Variants in MBD5 observed in about 807,000 individuals in gnomAD.
The protein encoded by MBD5 is methyl-CpG-binding domain protein 5.
A neutral mutation model predicts 117.3 loss-of-function variants in MBD5; 13 were observed. The ratio of observed to expected loss-of-function variants is 0.11; its 90% CI spans 0.07 to 0.18. MBD5 has a LOEUF of 0.18. MBD5 is among the 10% of genes least tolerant of loss of function. MBD5 has a pLI of 1.00. For missense variants in MBD5, 1,879 were observed against 2,093.8 expected, an observed-to-expected ratio of 0.90 and a Z score of 2.00; for synonymous variants, 727 against 766.4, an observed-to-expected ratio of 0.95 and a Z score of 0.85.
At chr2:148,310,842 T>G (rs1401343602) in intron 3 of MBD5, among the ~76,000 whole-genome samples, 1 of 152,198 alleles carries the variant, frequency 6.6e-6, no homozygotes, top group African/African-American at 2.4e-5. Context: ...TCTGGTACAT[T>G]GTGTTTTTAT....
In MBD5 at chr2:148,326,062, C is replaced by G. The variant is rs562843893; in HGVS notation, c.-679-16152C>G. Among the ~76,000 whole-genome samples, 172 of 152,234 alleles carry G rather than the reference C, an allele frequency of 1.1e-3. 1 individual carries two copies. The highest frequency in any genetic ancestry group is 3.3e-3 in the East Asian group (17 of 5,178). ...CTTTGTTCTCATTGGTTTCAAAGAA[C>G]ATCTTTATTTCTGCCTTCATTTCGT... On this transcript the variant is annotated intron_variant, in intron 3 of 13. Transcript: ENST00000642680.
intron 1 of MBD5, among the ~76,000 whole-genome samples, chr2:148,056,471 TTATTA>T (rs1459053999): frequency 2.6e-5 from 4 of 152,100 alleles, no homozygotes; most frequent in Admixed American, 2.0e-4. Flanking sequence ...TGGATGCCTT[TTATTA>T]TATTTAGACA....
chr2:148,485,601 A>T lies in MBD5; in HGVS notation c.3545-141A>T. On this transcript the variant is annotated intron_variant, in intron 9 of 13. Transcript: ENST00000642680. ...TACTCTTTCCTTACCACTTAGTAAGACTTTGAGAAGTAAAAAAGAAAAGCA... is the reference window on the plus strand; with the variant it reads ...TACTCTTTCCTTACCACTTAGTAAGTCTTTGAGAAGTAAAAAAGAAAAGCA... 7.3e-6 allele frequency: 5 copies of T among 681,204 alleles called. 1 individual carries two copies. The South Asian group carries it at 8.7e-5, about 12-fold the overall frequency. 42.2% of individuals were successfully genotyped at this position (681,204 alleles called of 1,614,324 possible). A position where few individuals can be genotyped will look rare whatever the true frequency, so the allele number is the denominator to read the frequency against.
At chr2:148,123,358 TG>T (rs555113560) in intron 1 of MBD5, among the ~76,000 whole-genome samples, 20 of 152,326 alleles carry the variant, frequency 1.3e-4, no homozygotes, top group Non-Finnish European at 2.1e-4. Flanking sequence ...AATCCAAGTA[TG>T]GGACCTTGAA....
intron 1 of MBD5, among the ~76,000 whole-genome samples, chr2:148,119,376 G>A (rs1232654644): frequency 1.3e-5 from 2 of 151,894 alleles, no homozygotes; most frequent in Non-Finnish European, 2.9e-5. Context: ...TTATTACTGA[G>A]TTTTAAGTGT....
At chr2:148,182,194 A>G (rs1698548800) in intron 2 of MBD5, among the ~76,000 whole-genome samples, 1 of 152,178 alleles carries the variant, frequency 6.6e-6, no homozygotes, top group South Asian at 2.1e-4. Flanking sequence ...TTACCAGATT[A>G]AGAAAGGTTC....
At chr2:148,344,464 C>T (rs906848813) in intron 4 of MBD5, among the ~76,000 whole-genome samples, 4 of 151,828 alleles carry the variant, frequency 2.6e-5, no homozygotes, top group African/African-American at 9.7e-5. Context: ...AATGTTTTTT[C>T]ATTTGTTTGT....
chr2:148,118,912 C>T (rs6750021), intron 1 of MBD5, among the ~76,000 whole-genome samples: 2,384 of 152,244 alleles, frequency 0.016, 60 homozygotes, highest in East Asian at 0.091. Flanking sequence ...ATATATACCA[C>T]ATTTTGTTCA....
At chr2:148,077,319 A>G (rs906947783) in intron 1 of MBD5, among the ~76,000 whole-genome samples, 2 of 152,152 alleles carry the variant, frequency 1.3e-5, no homozygotes, top group Admixed American at 6.5e-5. Context: ...GTTACTGGGC[A>G]TTGTAGGCAT....
chr2:148,121,663 C>T (rs1301314945), intron 1 of MBD5, among the ~76,000 whole-genome samples: 1 of 152,044 alleles, frequency 6.6e-6, no homozygotes, highest in East Asian at 1.9e-4. Context: ...GCTTGAGAGA[C>T]ATCGTCCTGG....
chr2:148,509,765 G>A (rs569886660), intron 12 of MBD5, among the ~76,000 whole-genome samples: 12 of 152,348 alleles, frequency 7.9e-5, no homozygotes, highest in African/African-American at 2.9e-4. Flanking sequence ...GAGGGAACCC[G>A]TGGCCCAACT....
At chr2:148,197,806 G>GTTTTTTTTTTTT (rs67499597) in intron 2 of MBD5, among the ~76,000 whole-genome samples, 2 of 92,520 alleles carry the variant, frequency 2.2e-5, no homozygotes, top group Non-Finnish European at 4.2e-5. Context: ...TTTTTTTTTT[G>GTTTTTTTTTTTT]TTTTTTTTTT....
At chr2:148,486,455 T>C (rs898032224) in intron 10 of MBD5, among the ~76,000 whole-genome samples, 2 of 152,164 alleles carry the variant, frequency 1.3e-5, no homozygotes, top group Non-Finnish European at 2.9e-5. Flanking sequence ...TCTTTCAGCA[T>C]GACAGAAAAC....
rs1229977147 is a variant in MBD5, at chr2:148,124,312, C to CAA, written c.-924-54383_-924-54382dup. 7.2e-4 allele frequency among the ~76,000 whole-genome samples: 109 copies of CAA among 152,038 alleles called. 2 individuals carry two copies. Among genetic ancestry groups the CAA allele is most frequent in the Non-Finnish European group, 1.4e-3 (92 of 67,992 alleles). On this transcript the variant is annotated intron_variant, in intron 1 of 13. Transcript: ENST00000642680. ...ACAACCAAACAAACACACACACACA[C>CAA]AAAAAACAAGAAAACCCTGAAGGTT...
chr2:148,392,479 A>G (rs1278546266), intron 4 of MBD5, among the ~76,000 whole-genome samples: 1 of 152,176 alleles, frequency 6.6e-6, no homozygotes, highest in East Asian at 1.9e-4. Flanking sequence ...CTGAATTTTC[A>G]CGCACAATGC....
chr2:148,488,780 G>A (rs1482159050), intron 10 of MBD5, among the ~76,000 whole-genome samples: 1 of 152,046 alleles, frequency 6.6e-6, no homozygotes, highest in Admixed American at 6.6e-5. Context: ...CTTTCCAATT[G>A]AGAATCACTT....
intron 4 of MBD5, among the ~76,000 whole-genome samples, chr2:148,362,684 C>T (rs766775480): frequency 1.3e-5 from 2 of 152,222 alleles, no homozygotes; most frequent in Non-Finnish European, 2.9e-5. Flanking sequence ...CCCGTGCCTC[C>T]TGACTGGGAG....
intron 4 of MBD5, among the ~76,000 whole-genome samples, chr2:148,403,413 C>T (rs1704984260): frequency 6.6e-6 from 1 of 152,124 alleles, no homozygotes; most frequent in Admixed American, 6.5e-5. Flanking sequence ...TTCCTGACCT[C>T]ATGTGATCCA....
At chr2:148,364,644 A>C (rs1213353117) in intron 4 of MBD5, among the ~76,000 whole-genome samples, 1 of 152,188 alleles carries the variant, frequency 6.6e-6, no homozygotes, top group East Asian at 1.9e-4. Flanking sequence ...GGGATGGAGG[A>C]ATATTTACCA....
Sources: gnomAD v4.1 joint callset for allele counts (sites outside exome capture counted in the v4.1 genomes callset) on GRCh38, gnomAD v4.1.1 for gene constraint, MANE v1.5 for transcripts, NCBI Gene and HGNC (gene_info 2026-07-23, HGNC 2026-07-21) for gene names.